TRIQK: variants seen among roughly 807,000 people sequenced by gnomAD.
TRIQK encodes triple QxxK/R motif-containing protein.
A neutral mutation model predicts 10.8 loss-of-function variants in TRIQK; 10 were observed. The observed-to-expected ratio is 0.92, with a 90% confidence interval of 0.57 to 1.57. TRIQK has a LOEUF of 1.57. Ranked by LOEUF, TRIQK falls within the 40% of genes most tolerant of loss-of-function variation. TRIQK has a pLI of 0.00. For missense variants in TRIQK, 107 were observed against 97.7 expected (o/e 1.09, Z -0.40); for synonymous variants, 33 against 33.7 (o/e 0.98, Z 0.07).
intron 2 of TRIQK, among the ~76,000 whole-genome samples, chr8:92,949,809 A>T (rs1243742548): frequency 5.2e-5 from 7 of 135,916 alleles, no homozygotes; most frequent in African/African-American, 2.7e-5. Flanking sequence ...AAAGAAAGAA[A>T]GAAAGAAAGA....
chr8:92,909,249 C>A (rs947984884), intron 3 of TRIQK, among the ~76,000 whole-genome samples: 1 of 151,758 alleles, frequency 6.6e-6, no homozygotes, highest in Non-Finnish European at 1.5e-5. Flanking sequence ...AAAACATTAA[C>A]CAATCAAATT....
intron 1 of TRIQK, among the ~76,000 whole-genome samples, chr8:92,990,856 G>GA (rs1554610479): frequency 6.6e-6 from 1 of 151,540 alleles, no homozygotes; most frequent in Non-Finnish European, 1.5e-5. Flanking sequence ...AGCTGCAGGA[G>GA]TTTTTTTTTC....
chr8:92,900,322 C>A (rs2130338387), intron 3 of TRIQK, among the ~76,000 whole-genome samples: 1 of 152,188 alleles, frequency 6.6e-6, no homozygotes, highest in Admixed American at 6.6e-5. Flanking sequence ...AAATCTTTAC[C>A]CAATCCAATT....
At chr8:92,952,175 T>A (rs1811945795) in intron 2 of TRIQK, among the ~76,000 whole-genome samples, 1 of 151,512 alleles carries the variant, frequency 6.6e-6, no homozygotes, top group Non-Finnish European at 1.5e-5. Flanking sequence ...AAAATAAATA[T>A]GATTAATATG....
chr8:92,894,460 A>AG (rs1260276590), intron 3 of TRIQK, among the ~76,000 whole-genome samples: 4 of 151,894 alleles, frequency 2.6e-5, no homozygotes, highest in Non-Finnish European at 4.4e-5. Flanking sequence ...GAAAAAAAAA[A>AG]CACAGTTACA....
chr8:92,953,799 G>C (rs1812032823), intron 2 of TRIQK: 1 of 151,890 alleles, frequency 6.6e-6, no homozygotes. Context: ...GAGTAAAATG[G>C]AGAGCTATTT....
intron 1 of TRIQK, among the ~76,000 whole-genome samples, chr8:92,981,671 T>C (rs962550536): frequency 2.0e-5 from 3 of 152,028 alleles, no homozygotes; most frequent in Non-Finnish European, 2.9e-5. Context: ...AATGGTCTAA[T>C]ATTAACATTG....
intron 1 of TRIQK, among the ~76,000 whole-genome samples, chr8:92,960,138 A>G (rs769194769): frequency 6.6e-6 from 1 of 151,858 alleles, no homozygotes; most frequent in Non-Finnish European, 1.5e-5. Context: ...TTTTTCTCCT[A>G]TTTATTTTTA....
chr8:92,940,870 T>A (rs1811235462), intron 2 of TRIQK, among the ~76,000 whole-genome samples: 1 of 152,204 alleles, frequency 6.6e-6, no homozygotes, highest in Non-Finnish European at 1.5e-5. Context: ...ATAGATCATA[T>A]GTTAGATCAC....
At chr8:92,988,933 TTTTA>T (rs1454908320) in intron 1 of TRIQK, among the ~76,000 whole-genome samples, 1 of 152,176 alleles carries the variant, frequency 6.6e-6, no homozygotes, top group Non-Finnish European at 1.5e-5. Context: ...CATGGCAGTG[TTTTA>T]TTTATTTTTG....
At chr8:92,909,315 T>A (rs1228081205) in intron 3 of TRIQK, among the ~76,000 whole-genome samples, 1 of 151,928 alleles carries the variant, frequency 6.6e-6, no homozygotes, top group Non-Finnish European at 1.5e-5. Flanking sequence ...ACCATCAGCA[T>A]AACGTACCTT....
chr8:92,988,682 T>G (rs1418216870), intron 1 of TRIQK, among the ~76,000 whole-genome samples: 1 of 152,228 alleles, frequency 6.6e-6, no homozygotes. Flanking sequence ...GATTGCAGAT[T>G]TCCAAGATCC....
At chr8:92,978,911 A>C (rs1179682739) in intron 1 of TRIQK, among the ~76,000 whole-genome samples, 1 of 152,132 alleles carries the variant, frequency 6.6e-6, no homozygotes, top group African/African-American at 2.4e-5. Context: ...AAGCAATTTT[A>C]CTATTCCTGC....
intron 1 of TRIQK, among the ~76,000 whole-genome samples, chr8:92,971,722 C>T (rs1380438414): frequency 1.3e-5 from 2 of 152,046 alleles, no homozygotes; most frequent in Non-Finnish European, 2.9e-5. Flanking sequence ...GCCATATTGC[C>T]CAAAGTAATT....
intron 2 of TRIQK, among the ~76,000 whole-genome samples, chr8:92,918,309 A>G (rs1336583391): frequency 6.6e-6 from 1 of 151,984 alleles, no homozygotes; most frequent in East Asian, 1.9e-4. Flanking sequence ...ATTGTTTTCC[A>G]TAATGGTGTA....
intron 4 of TRIQK, among the ~76,000 whole-genome samples, chr8:92,891,214 T>C (rs565797206): frequency 6.6e-6 from 1 of 152,026 alleles, no homozygotes; most frequent in African/African-American, 2.4e-5. Flanking sequence ...TGCTGTAAGC[T>C]ATAACTTAGA....
intron 1 of TRIQK, among the ~76,000 whole-genome samples, chr8:93,009,221 A>G (rs759997112): frequency 6.6e-6 from 1 of 152,234 alleles, no homozygotes; most frequent in Non-Finnish European, 1.5e-5. Context: ...CAACAGGTAC[A>G]TGAAAAAATG....
At chr8:92,994,844 T>C (rs1586525867) in intron 1 of TRIQK, among the ~76,000 whole-genome samples, 2 of 152,060 alleles carry the variant, frequency 1.3e-5, no homozygotes, top group African/African-American at 4.8e-5. Flanking sequence ...AACTCCTTGT[T>C]TCCCCCTACA....
intron 2 of TRIQK, among the ~76,000 whole-genome samples, chr8:92,947,016 T>C (rs547484082): frequency 4.6e-5 from 7 of 151,660 alleles, no homozygotes; most frequent in East Asian, 2.0e-4. Flanking sequence ...CCGCCCGCCT[T>C]GGCCTCCCAA....
Sources: allele counts gnomAD v4.1 joint callset (sites outside exome capture counted in the v4.1 genomes callset), GRCh38; gene constraint gnomAD v4.1.1; transcripts MANE v1.5; gene names NCBI Gene and HGNC (gene_info 2026-07-23, HGNC 2026-07-21).